The following RHOD variants were observed in gnomAD, a reference collection of about 807,000 sequenced individuals.
The protein encoded by RHOD is rho-related GTP-binding protein RhoD.
In RHOD, 11 loss-of-function variants were observed where a neutral mutation model predicts 16.7. That is an observed-to-expected ratio of 0.66 (90% CI 0.41 to 1.09). RHOD has a LOEUF of 1.09. Ranked by LOEUF, RHOD falls within the 50% of genes least tolerant of loss-of-function variation. The pLI, the probability that RHOD is intolerant of heterozygous loss-of-function variation, is 0.00. For missense variants in RHOD, 271 were observed against 291.7 expected, an observed-to-expected ratio of 0.93 and a Z score of 0.52; for synonymous variants, 124 against 126.3, an observed-to-expected ratio of 0.98 and a Z score of 0.12.
chr11:67,057,346 G>C (rs1186685419), intron 1 of RHOD, among the ~76,000 whole-genome samples: 1 of 152,208 alleles, frequency 6.6e-6, no homozygotes, highest in Non-Finnish European at 1.5e-5. Context: ...TGAGAGCTTG[G>C]AAGCCAGACT....
intron 1 of RHOD, among the ~76,000 whole-genome samples, chr11:67,062,934 A>C (rs895865979): frequency 1.3e-5 from 2 of 152,192 alleles, no homozygotes; most frequent in African/African-American, 2.4e-5. Context: ...CTCCCTCTTC[A>C]TTCCTGCATT....
intron 1 of RHOD, among the ~76,000 whole-genome samples, chr11:67,059,732 C>T (rs1254025403): frequency 3.9e-5 from 6 of 152,158 alleles, no homozygotes; most frequent in African/African-American, 9.7e-5. Context: ...TTCCCCCTCC[C>T]GACCAGGGCC....
At chr11:67,057,259 A>T (rs1436853345) in intron 1 of RHOD, among the ~76,000 whole-genome samples, 1 of 152,242 alleles carries the variant, frequency 6.6e-6, no homozygotes, top group African/African-American at 2.4e-5. Context: ...GAGAGGTGTC[A>T]CAAGGACTGA....
Position 67,071,648 on chromosome 11 carries a change from C to G in RHOD, c.*46C>G, listed in dbSNP as rs1855032887. On this transcript the variant is annotated 3_prime_UTR_variant, in exon 5 of 5. Transcript: ENST00000308831. ...GACGCGGGAAGGGGCAGGGCGCTGA[C>G]CTGCTGCTGAGCTGGCTGGGCTGGA... is the stretch of plus-strand genomic sequence containing the variant. 1.3e-6 allele frequency: 2 copies of G among 1,515,182 alleles called. No homozygotes were observed. The highest frequency in any genetic ancestry group is 1.2e-5 in the South Asian group (1 of 80,926). The allele number at this position is 1,515,182 out of a possible 1,614,324, so 93.9% of individuals were successfully genotyped here. A position where few individuals can be genotyped will look rare whatever the true frequency, so the allele number is the denominator to read the frequency against.
intron 3 of RHOD, among the ~76,000 whole-genome samples, chr11:67,069,192 T>C (rs1227788069): frequency 2.0e-5 from 3 of 152,022 alleles, no homozygotes; most frequent in Admixed American, 6.6e-5. Flanking sequence ...GCCGACTTAG[T>C]GCTCCTGGAG....
intron 1 of RHOD, among the ~76,000 whole-genome samples, chr11:67,063,922 A>G (rs1346823452): frequency 6.6e-6 from 1 of 151,022 alleles, no homozygotes; most frequent in African/African-American, 2.4e-5. Flanking sequence ...CCTGACCAAC[A>G]TGGTGAAACC....
rs545753847 is a variant in RHOD, at chr11:67,067,037, G to A, written c.330+190G>A. 4.6e-5 allele frequency among the ~76,000 whole-genome samples: 7 copies of A among 152,332 alleles called. No individual in the cohort carries two copies. The East Asian group carries it at 1.4e-3, about 29-fold the overall frequency. On this transcript the variant is annotated intron_variant, in intron 3 of 4. Coordinates refer to ENST00000308831, the MANE Select transcript of RHOD (RefSeq NM_014578.4). The stretch of plus-strand genomic sequence containing the variant: ...TGGCTTGCCCAGGGTTGCTGGCACA[G>A]GGATTTGGTGGCAGCGTCTGCCCTT...
chr11:67,061,208 C>T (rs914544156), intron 1 of RHOD, among the ~76,000 whole-genome samples: 1 of 152,094 alleles, frequency 6.6e-6, no homozygotes, highest in African/African-American at 2.4e-5. Flanking sequence ...GTAAGAACTT[C>T]CTCACTATTG....
chr11:67,064,925 A>G (rs1186783293), intron 1 of RHOD, among the ~76,000 whole-genome samples: 1 of 152,084 alleles, frequency 6.6e-6, no homozygotes, highest in Admixed American at 6.5e-5. Flanking sequence ...TGTGAAAAAA[A>G]AGAAAAACGG....
At chr11:67,063,668 G>T (rs556704316) in intron 1 of RHOD, among the ~76,000 whole-genome samples, 6 of 150,886 alleles carry the variant, frequency 4.0e-5, no homozygotes, top group Admixed American at 3.3e-4. Context: ...GTGTGCTGGC[G>T]TGTGCTTGTA....
chr11:67,071,791 T>A lies in RHOD; in HGVS notation c.*189T>A. The A allele has an allele frequency of 1.8e-6, 1 of 562,216 alleles. No homozygotes were observed. Among genetic ancestry groups the A allele is most frequent in the East Asian group, 3.2e-5 (1 of 31,430 alleles). The allele number at this position is 562,216 out of a possible 1,614,324, so 34.8% of individuals were successfully genotyped here. ...AGGGGGTTCCTGGGCCCACCTGCTC[T>A]GTGTAGGGCTCGTCCTGCGGTGCCC... On this transcript the variant is annotated 3_prime_UTR_variant, in exon 5 of 5. Transcript: ENST00000308831.
At chr11:67,070,697 A>G in intron 4 of RHOD, 138 bp downstream of exon 4, 1 of 966,782 alleles carries the variant, frequency 1.0e-6, no homozygotes, top group Non-Finnish European at 1.5e-6. Context: ...GTCAGAGGTC[A>G]GAAACTTCCA....
At chr11:67,061,802 A>ATG (rs1199273336) in intron 1 of RHOD, among the ~76,000 whole-genome samples, 1 of 140,038 alleles carries the variant, frequency 7.1e-6, no homozygotes, top group African/African-American at 2.7e-5. Context: ...ATATATATAT[A>ATG]TGTGTGTGTA....
chr11:67,058,839 T>C (rs1854851819), intron 1 of RHOD, among the ~76,000 whole-genome samples: 1 of 152,324 alleles, frequency 6.6e-6, no homozygotes, highest in Admixed American at 6.5e-5. Context: ...GTCACCTCCT[T>C]TGACCAGTCA....
intron 3 of RHOD, among the ~76,000 whole-genome samples, chr11:67,067,695 G>T (rs1854975226): frequency 6.6e-6 from 1 of 152,198 alleles, no homozygotes; most frequent in African/African-American, 2.4e-5. Context: ...AGCAGTGGGG[G>T]TGACGAGAAG....
intron 1 of RHOD, 40 bp from the exon 2 acceptor site, chr11:67,065,856 G>A (rs12287978): frequency 0.38 from 550,703 of 1,451,246 alleles, 107,978 homozygotes; most frequent in Admixed American, 0.57. Context: ...GTGCCTCTCC[G>A]AAGCCTCCTC....
intron 1 of RHOD, among the ~76,000 whole-genome samples, chr11:67,058,562 C>A (rs1291308317): frequency 6.6e-6 from 1 of 152,134 alleles, no homozygotes; most frequent in Non-Finnish European, 1.5e-5. Context: ...CTGCCCGCCT[C>A]GGCCTCCCAA....
intron 3 of RHOD, among the ~76,000 whole-genome samples, chr11:67,067,852 T>C (rs1565352520): frequency 6.6e-6 from 1 of 152,046 alleles, no homozygotes; most frequent in Non-Finnish European, 1.5e-5. Flanking sequence ...CAGGCTGGAG[T>C]GCAGTGGCGC....
At chr11:67,066,655 T>A in intron 2 of RHOD, 83 bp from the exon 3 acceptor site, 1 of 930,460 alleles carries the variant, frequency 1.1e-6, no homozygotes, top group Non-Finnish European at 1.8e-6. Flanking sequence ...GCTCCCCATC[T>A]GATGAGGTGA....
Sources: gnomAD v4.1 joint callset for allele counts (sites outside exome capture counted in the v4.1 genomes callset) on GRCh38, gnomAD v4.1.1 for gene constraint, MANE v1.5 for transcripts, NCBI Gene and HGNC (gene_info 2026-07-23, HGNC 2026-07-21) for gene names.